ACSL6: variants seen among roughly 807,000 people sequenced by gnomAD.
ACSL6 encodes the protein long-chain-fatty-acid--CoA ligase 6.
In ACSL6, 47 loss-of-function variants were observed where a neutral mutation model predicts 98.2. The ratio of observed to expected loss-of-function variants is 0.48; its 90% CI spans 0.38 to 0.61. The LOEUF is 0.61. Among genes scored for constraint, ACSL6 ranks in the 20% least tolerant of loss-of-function variants. ACSL6 has a pLI of 0.00. For missense variants in ACSL6, 761 were observed against 913.4 expected (o/e 0.83, Z 2.15); for synonymous variants, 362 against 336.9 (o/e 1.07, Z -0.82).
At chr5:131,967,407 T>C (rs1753068606) in intron 16 of ACSL6, among the ~76,000 whole-genome samples, 1 of 152,046 alleles carries the variant, frequency 6.6e-6, no homozygotes, top group Admixed American at 6.5e-5. Flanking sequence ...CTCACGCCTG[T>C]AATCCCAGCA....
In ACSL6 at chr5:131,994,407, G is replaced by C. The variant is rs946062283; in HGVS notation, c.50-156C>G. 28 of 642,292 alleles carry C rather than the reference G, an allele frequency of 4.4e-5. 1 individual carries two copies. Among genetic ancestry groups the C allele is most frequent in the Admixed American group, 4.3e-4 (15 of 35,038 alleles). 39.8% of individuals were successfully genotyped at this position (642,292 alleles called of 1,614,324 possible). A position where few individuals can be genotyped will look rare whatever the true frequency, so the allele number is the denominator to read the frequency against. ...GTGCACCCCAGAAGCTGGCTACCTA[G>C]AAGGGCTTTTCCCAGGAAGAGGCCA... On this transcript the variant is annotated intron_variant, in intron 1 of 20. Coordinates refer to ENST00000651883, the MANE Select transcript of ACSL6 (RefSeq NM_001009185.3).
At chr5:131,962,461 T>G (rs1385409917) in intron 18 of ACSL6, 74 bp downstream of exon 18, 2 of 1,497,026 alleles carry the variant, frequency 1.3e-6, no homozygotes, top group Non-Finnish European at 1.8e-6. Context: ...GGTGCCTGAT[T>G]GGAGGTTAAT....
chr5:132,000,311 C>T (rs1344957420), intron 1 of ACSL6, among the ~76,000 whole-genome samples: 1 of 152,128 alleles, frequency 6.6e-6, no homozygotes, highest in Non-Finnish European at 1.5e-5. Flanking sequence ...CAGGGCAGCA[C>T]ACCAGCCCTG....
At chr5:131,985,588 G>A (rs1458425706) in intron 8 of ACSL6, 130 bp from the exon 9 acceptor site, 39 of 890,468 alleles carry the variant, frequency 4.4e-5, no homozygotes, top group South Asian at 1.9e-4. Context: ...TGTTGGGCAC[G>A]CCTGCATGCT....
rs150711670 is a variant in ACSL6, at chr5:131,979,823, C to T, written c.917-3102G>A. On this transcript the variant is annotated intron_variant, in intron 9 of 20. Transcript: ENST00000651883. ...GCTACCCAGGCCGCCAATGTCTCAG[C>T]GGTATGAGACCCACTGTCTATTTCC... Among the ~76,000 whole-genome samples the T allele has an allele frequency of 3.7e-3, 565 of 152,286 alleles. 13 individuals carry two copies. Among genetic ancestry groups the T allele is most frequent in the East Asian group, 0.023 (121 of 5,184 alleles).
rs73786736 is a variant in ACSL6, at chr5:131,981,135, C to G, written c.916+4272G>C. Among the ~76,000 whole-genome samples, 401 of 152,110 alleles carry G rather than the reference C, an allele frequency of 2.6e-3. 3 individuals carry two copies. Among genetic ancestry groups the G allele is most frequent in the African/African-American group, 9.2e-3 (382 of 41,474 alleles). On this transcript the variant is annotated intron_variant, in intron 9 of 20. Transcript: ENST00000651883. ...GTACTTGGAGACCTCCTTTCTCCCCCACCCACACCAAAGCTTCGGGGGCTT... is the reference window on the plus strand; with the variant it reads ...GTACTTGGAGACCTCCTTTCTCCCCGACCCACACCAAAGCTTCGGGGGCTT...
At chr5:131,978,367 C>T (rs535786082) in intron 9 of ACSL6, among the ~76,000 whole-genome samples, 4 of 152,334 alleles carry the variant, frequency 2.6e-5, no homozygotes, top group South Asian at 4.1e-4. Context: ...GAGTTTTAGA[C>T]GTTTGCCCAA....
intron 18 of ACSL6, among the ~76,000 whole-genome samples, chr5:131,961,490 C>T (rs538957162): frequency 7.1e-4 from 107 of 150,066 alleles, no homozygotes; most frequent in African/African-American, 2.4e-3. Context: ...GTCAGGAGTT[C>T]AAGACCAGCC....
At chr5:131,975,073 C>T in intron 10 of ACSL6, 103 bp from the exon 11 acceptor site, 1 of 1,475,188 alleles carries the variant, frequency 6.8e-7, no homozygotes, top group Non-Finnish European at 9.1e-7. Flanking sequence ...GGAGGGTAAA[C>T]AGGAAGAGGG....
chr5:131,980,423 A>T (rs1221510757), intron 9 of ACSL6, among the ~76,000 whole-genome samples: 2 of 152,222 alleles, frequency 1.3e-5, no homozygotes, highest in Non-Finnish European at 2.9e-5. Context: ...ATGGTAACTC[A>T]GCACTCCTGC....
rs536995401 is a variant in ACSL6, at chr5:132,011,265, G to T, written c.49+240C>A. Among the ~76,000 whole-genome samples the T allele has an allele frequency of 6.6e-6, 1 of 152,236 alleles. No homozygotes were observed. The highest frequency in any genetic ancestry group is 2.4e-5 in the African/African-American group (1 of 41,544). On this transcript the variant is annotated intron_variant, in intron 1 of 20. Transcript: ENST00000651883. This position sits in a 1 kb window ranked among gnomAD's most constrained non-coding sequence, Gnocchi z 5.4. ...CTCGGCGGGGGTTTGTGGTGGGGTC[G>T]CAGAGAGCAAGCCCTATATCTCCCT... is the stretch of plus-strand genomic sequence containing the variant.
In ACSL6 at chr5:131,950,693, A is replaced by G. The variant is rs961882670; in HGVS notation, c.*3541T>C. 5.2e-6 allele frequency: 1 copy of G among 191,514 alleles called. No individual in the cohort carries two copies. The highest frequency in any genetic ancestry group is 2.3e-5 in the African/African-American group (1 of 43,004). 11.9% of individuals were successfully genotyped at this position (191,514 alleles called of 1,614,324 possible). On this transcript the variant is annotated 3_prime_UTR_variant, in exon 21 of 21. Coordinates refer to ENST00000651883, the MANE Select transcript of ACSL6 (RefSeq NM_001009185.3). Reference sequence around the variant, plus strand: ...TTTATATTTTAAATAACTATATTGCATTTGTGCTTCATACATTTGGAAAAT... The same window carrying G: ...TTTATATTTTAAATAACTATATTGCGTTTGTGCTTCATACATTTGGAAAAT...
chr5:131,989,803 A>G (rs1251805956), intron 4 of ACSL6, among the ~76,000 whole-genome samples: 1 of 152,096 alleles, frequency 6.6e-6, no homozygotes, highest in African/African-American at 2.4e-5. Flanking sequence ...TGCGTTGCCC[A>G]GGCTGGTCTC....
rs764522007 is a variant in ACSL6 at position 131,974,892 on chromosome 5, C to T, written c.1068+1G>A. 1 of 1,614,044 alleles carries T rather than the reference C, an allele frequency of 6.2e-7. No individual in the cohort carries two copies. Among genetic ancestry groups the T allele is most frequent in the African/African-American group, 1.3e-5 (1 of 74,906 alleles). On this transcript the variant is annotated splice_donor_variant, in intron 11 of 20. Transcript: ENST00000651883. LOFTEE classifies it high-confidence loss of function. The stretch of plus-strand genomic sequence containing the variant: ...CCCGGTCAGTCAGGTGGGTGTCTTA[C>T]CTGGATTACTCTCTCAAACATGTGA...
At chr5:131,976,785 G>T in intron 9 of ACSL6, 64 bp from the exon 10 acceptor site, 2 of 1,389,422 alleles carry the variant, frequency 1.4e-6, no homozygotes, top group Non-Finnish European at 2.0e-6. Context: ...TGAGAGCAGT[G>T]CCCAAGTTGG....
Position 131,985,532 on chromosome 5 carries a change from C to G in ACSL6, c.865-74G>C, listed in dbSNP as rs1754132826. 4 of 1,516,452 alleles carry G rather than the reference C, an allele frequency of 2.6e-6. No homozygotes were observed. In the East Asian group the frequency reaches 9.1e-5, roughly 35 times the overall value. 93.9% of individuals were successfully genotyped at this position (1,516,452 alleles called of 1,614,324 possible). On this transcript the variant is annotated intron_variant, in intron 8 of 20. Transcript: ENST00000651883. Reference sequence around the variant, plus strand: ...CCAGGGCCCAAGATGCCTGGGCTCCCCAACCAGCCAGGCCCATATGTATGC... The same window carrying G: ...CCAGGGCCCAAGATGCCTGGGCTCCGCAACCAGCCAGGCCCATATGTATGC...
At chr5:131,973,179 T>A in intron 12 of ACSL6, 87 bp downstream of exon 12, 3 of 1,527,832 alleles carry the variant, frequency 2.0e-6, no homozygotes, top group Non-Finnish European at 1.8e-6. Flanking sequence ...GTGGAGGCAC[T>A]GAAAGCCTGC....
chr5:131,974,948 T>C lies in ACSL6; in HGVS notation c.1013A>G (p.Asp338Gly). ...AGGCAGGAAGGAGATGAGCACATCG[T>C]CCTGTCTCGGAAAGATCACTTTCTG... is the stretch of plus-strand genomic sequence containing the variant. Reference protein sequence around the residue: ...VTEKVIFPRQDDVLISFLPLA... With the variant: ...VTEKVIFPRQGDVLISFLPLA... The change falls in exon 11 of 21, where the codon GAC becomes GGC. Residue 338 changes from aspartate (D) to glycine (G), a missense_variant. By Grantham distance (94) the Asp-to-Gly change is moderately conservative. Transcript: ENST00000651883. The C allele has an allele frequency of 6.2e-7, 1 of 1,613,934 alleles. No individual in the cohort carries two copies. Among genetic ancestry groups the C allele is most frequent in the Non-Finnish European group, 8.5e-7 (1 of 1,179,976 alleles).
rs1316307685 is a variant in ACSL6, at chr5:131,971,625, C to T, written c.1359G>A (p.Val453=). 6.8e-6 allele frequency: 11 copies of T among 1,610,942 alleles called. No individual in the cohort carries two copies. The highest frequency in any genetic ancestry group is 9.3e-6 in the Non-Finnish European group (11 of 1,178,314). The change falls in exon 14 of 21, where the codon GTG becomes GTA. Residue 453 remains valine (V), a synonymous_variant. Transcript: ENST00000651883. The part of the protein sequence containing the change: ...NKIQASLGGC[V]RMIVTGAAPA... ...GGGCTGCTCCAGTAACAATCATCCG[C>T]ACACACCCACCAAGACTGGCCTGTG... is the stretch of plus-strand genomic sequence containing the variant.
Sources: gnomAD v4.1 joint callset for allele counts (sites outside exome capture counted in the v4.1 genomes callset) on GRCh38, gnomAD v4.1.1 for gene constraint, Gnocchi (gnomAD v3.1) non-coding constraint, MANE v1.5 for transcripts, NCBI Gene and HGNC (gene_info 2026-07-23, HGNC 2026-07-21) for gene names.